INPP5A: variants seen among roughly 807,000 people sequenced by gnomAD.
The protein encoded by INPP5A is 43 kDa inositol polyphosphate 5-phophatase.
Under a neutral mutation model 65.2 loss-of-function variants are expected in INPP5A, and 14 were observed. That is an observed-to-expected ratio of 0.21 (90% CI 0.14 to 0.34). INPP5A has a LOEUF of 0.34. INPP5A is among the 10% of genes least tolerant of loss of function. The pLI is 1.00. For missense variants in INPP5A, 431 were observed against 545.6 expected, an observed-to-expected ratio of 0.79 and a Z score of 2.09; for synonymous variants, 207 against 208.3, an observed-to-expected ratio of 0.99 and a Z score of 0.05.
At chr10:132,689,857 A>G (rs1845227734) in intron 4 of INPP5A, among the ~76,000 whole-genome samples, 1 of 152,238 alleles carries the variant, frequency 6.6e-6, no homozygotes, top group Admixed American at 6.5e-5. Context: ...AGTGGGAGAC[A>G]CTGGCAGCTC....
intron 11 of INPP5A, among the ~76,000 whole-genome samples, chr10:132,760,292 T>C (rs1846709118): frequency 6.6e-6 from 1 of 152,162 alleles, no homozygotes; most frequent in Non-Finnish European, 1.5e-5. Flanking sequence ...CTGGGGGTGC[T>C]GAGGACTTGA....
intron 4 of INPP5A, among the ~76,000 whole-genome samples, chr10:132,665,945 C>G (rs2072795433): frequency 6.6e-6 from 1 of 150,894 alleles, no homozygotes; most frequent in Admixed American, 6.6e-5. Context: ...GTCGCAGCTA[C>G]TTGGGAGGCT....
chr10:132,683,720 T>G (rs2073082677), intron 4 of INPP5A, among the ~76,000 whole-genome samples: 1 of 152,250 alleles, frequency 6.6e-6, no homozygotes, highest in African/African-American at 2.4e-5. Context: ...GTTTTTTGTT[T>G]GTTTGTTTGA....
chr10:132,650,590 G>A lies in INPP5A; in HGVS notation c.306+85G>A. ...CCCTTCTCCTGTGTAAATGGAGAGA[G>A]GTCGGGGTGCTCCCTGCCTGAAGCC... On this transcript the variant is annotated intron_variant, in intron 4 of 15. Coordinates refer to ENST00000368594, the MANE Select transcript of INPP5A (RefSeq NM_005539.5). The surrounding 1 kb of genome is among the most constrained non-coding windows in gnomAD (Gnocchi z 5.5). 1.0e-6 allele frequency: 1 copy of A among 965,172 alleles called. No homozygotes were observed. The highest frequency in any genetic ancestry group is 1.6e-6 in the Non-Finnish European group (1 of 607,132). The allele number at this position is 965,172 out of a possible 1,614,324, so 59.8% of individuals were successfully genotyped here.
In INPP5A at chr10:132,771,938, GGA is replaced by G. The variant is rs1846963769; in HGVS notation, c.978-5732_978-5731del. Among the ~76,000 whole-genome samples the G allele has an allele frequency of 1.4e-3, 11 of 7,744 alleles. 1 individual carries two copies. The highest frequency in any genetic ancestry group is 8.9e-3 in the African/African-American group (9 of 1,008). The allele number at this position is 7,744 out of a possible 152,430, so 5.1% of individuals were successfully genotyped here. On this transcript the variant is annotated intron_variant, in intron 12 of 15. Transcript: ENST00000368594. ...GCAGCCACCCGATGAAGAGTGGGACGGACACTCAGCACTGACACAGAGGCCAC... is the reference window on the plus strand; with the variant it reads ...GCAGCCACCCGATGAAGAGTGGGACGCACTCAGCACTGACACAGAGGCCAC...
intron 1 of INPP5A, among the ~76,000 whole-genome samples, chr10:132,552,387 G>A (rs1186074571): frequency 2.9e-5 from 4 of 138,372 alleles, no homozygotes; most frequent in South Asian, 2.5e-4. Flanking sequence ...CATATTGAGT[G>A]GGATAGGGAG....
intron 1 of INPP5A, among the ~76,000 whole-genome samples, chr10:132,605,947 A>C (rs2133337820): frequency 6.6e-6 from 1 of 152,310 alleles, no homozygotes; most frequent in Admixed American, 6.5e-5. Flanking sequence ...TGGGCTTATT[A>C]ACCTTAGTGG....
At chr10:132,755,336 G>A (rs1241854291) in intron 11 of INPP5A, among the ~76,000 whole-genome samples, 2 of 148,976 alleles carry the variant, frequency 1.3e-5, no homozygotes, top group African/African-American at 2.5e-5. Flanking sequence ...TGTGTGAGCT[G>A]TGTGAGCGTG....
intron 9 of INPP5A, among the ~76,000 whole-genome samples, chr10:132,733,490 TA>T (rs1486464086): frequency 1.3e-5 from 2 of 152,372 alleles, no homozygotes; most frequent in East Asian, 3.9e-4. Context: ...TATTGAATTT[TA>T]AAATACCATC....
At chr10:132,667,893 C>G (rs775326240) in intron 4 of INPP5A, among the ~76,000 whole-genome samples, 1 of 152,130 alleles carries the variant, frequency 6.6e-6, no homozygotes, top group Non-Finnish European at 1.5e-5. Context: ...GTTTGGGAGG[C>G]ATTTGCAGGT....
At chr10:132,755,231 G>A (rs557071761) in intron 11 of INPP5A, among the ~76,000 whole-genome samples, 61 of 151,688 alleles carry the variant, frequency 4.0e-4, no homozygotes, top group Non-Finnish European at 7.1e-4. Flanking sequence ...GTGAGCAGGC[G>A]TGTACATGCA....
At chr10:132,560,206 G>A (rs2071184758) in intron 1 of INPP5A, among the ~76,000 whole-genome samples, 1 of 151,782 alleles carries the variant, frequency 6.6e-6, no homozygotes, top group South Asian at 2.1e-4. Flanking sequence ...GTGTGAACCT[G>A]TGTCTGCAGC....
Position 132,547,581 on chromosome 10 carries a change from C to T in INPP5A, c.75+9410C>T, listed in dbSNP as rs1303596717. 6.6e-6 allele frequency among the ~76,000 whole-genome samples: 1 copy of T among 152,210 alleles called. No individual in the cohort carries two copies. The highest frequency in any genetic ancestry group is 1.5e-5 in the Non-Finnish European group (1 of 68,026). On this transcript the variant is annotated intron_variant, in intron 1 of 15. Coordinates refer to ENST00000368594, the MANE Select transcript of INPP5A (RefSeq NM_005539.5). This position sits in a 1 kb window ranked among gnomAD's most constrained non-coding sequence, Gnocchi z 5.5. The stretch of plus-strand genomic sequence containing the variant: ...CCGGGCACCTGCACCCTCGCCGTCG[C>T]CCTGGGCTGACCTCCCATCTCCTCC...
intron 7 of INPP5A, among the ~76,000 whole-genome samples, chr10:132,709,530 A>G (rs1306968108): frequency 1.3e-5 from 2 of 152,066 alleles, no homozygotes; most frequent in East Asian, 3.9e-4. Flanking sequence ...CACAGGGAAC[A>G]GCCTTGGCAT....
At chr10:132,701,374 C>T (rs1272182705) in intron 6 of INPP5A, among the ~76,000 whole-genome samples, 3 of 152,222 alleles carry the variant, frequency 2.0e-5, no homozygotes, top group African/African-American at 7.2e-5. Flanking sequence ...CATCTGCAGG[C>T]TCCTGAGGGC....
At chr10:132,719,717 G>T (rs1845826125) in intron 8 of INPP5A, among the ~76,000 whole-genome samples, 1 of 150,814 alleles carries the variant, frequency 6.6e-6, no homozygotes, top group African/African-American at 2.4e-5. Context: ...TTCTGTCTGG[G>T]CGCCTTAGAC....
intron 1 of INPP5A, among the ~76,000 whole-genome samples, chr10:132,589,392 G>T (rs2071588982): frequency 6.6e-6 from 1 of 152,238 alleles, no homozygotes; most frequent in South Asian, 2.1e-4. Flanking sequence ...CTGGATGGTG[G>T]GTCAGAATGT....
intron 1 of INPP5A, among the ~76,000 whole-genome samples, chr10:132,596,307 C>T (rs1265115098): frequency 1.3e-5 from 2 of 152,110 alleles, no homozygotes; most frequent in South Asian, 2.1e-4. Context: ...TAAAGGGTGT[C>T]GTGGTAGGCA....
chr10:132,775,144 G>T (rs71503760), intron 12 of INPP5A, among the ~76,000 whole-genome samples: 475 of 17,980 alleles, frequency 0.026, 6 homozygotes, highest in Non-Finnish European at 0.036. Flanking sequence ...GGAGGAGAGA[G>T]GGGCAGGGAG....
Sources: allele counts gnomAD v4.1 joint callset (sites outside exome capture counted in the v4.1 genomes callset), GRCh38; gene constraint gnomAD v4.1.1; non-coding constraint Gnocchi (gnomAD v3.1); transcripts MANE v1.5; gene names NCBI Gene and HGNC (gene_info 2026-07-23, HGNC 2026-07-21).